Variants in DDX43 observed in about 807,000 individuals in gnomAD.
DDX43 encodes the protein DEAD-box helicase 43, also known as probable ATP-dependent RNA helicase DDX43.
A neutral mutation model predicts 84.9 loss-of-function variants in DDX43; 50 were observed. That is an observed-to-expected ratio of 0.59 (90% CI 0.47 to 0.75). The LOEUF is 0.75. Ranked by LOEUF, DDX43 falls within the 30% of genes least tolerant of loss-of-function variation. DDX43 has a pLI of 0.00. For synonymous variants in DDX43, 291 were observed against 266.3 expected (o/e 1.09, Z -0.90); for missense variants, 689 against 798.6 (o/e 0.86, Z 1.65).
chr6:73,410,766 T>A (rs140669898), intron 10 of DDX43, among the ~76,000 whole-genome samples: 1,626 of 152,220 alleles, frequency 0.011, 34 homozygotes, highest in African/African-American at 0.037. Context: ...CTCATTTTTG[T>A]ATTTTTTGTA....
At chr6:73,399,582 G>T (rs920289252) in intron 2 of DDX43, among the ~76,000 whole-genome samples, 1 of 152,154 alleles carries the variant, frequency 6.6e-6, no homozygotes, top group Admixed American at 6.6e-5. Flanking sequence ...TACTGTAGTT[G>T]ATAAACATTG....
In DDX43 at chr6:73,416,099, T is replaced by C. The variant is rs369804594; in HGVS notation, c.1834-14T>C. The C allele has an allele frequency of 1.1e-5, 14 of 1,324,968 alleles. No individual in the cohort carries two copies. The highest frequency in any genetic ancestry group is 2.4e-5 in the South Asian group (2 of 83,362). The allele number at this position is 1,324,968 out of a possible 1,614,324, so 82.1% of individuals were successfully genotyped here. On this transcript the variant is annotated splice_polypyrimidine_tract_variant and intron_variant, in intron 15 of 16. Coordinates refer to ENST00000370336, the MANE Select transcript of DDX43 (RefSeq NM_018665.3). ...AACTCAGAATCCTAATAACAACACGTTGAATAATTTCAGAGTATTCCAGAG... is the reference window on the plus strand; with the variant it reads ...AACTCAGAATCCTAATAACAACACGCTGAATAATTTCAGAGTATTCCAGAG...
rs1769653280 is a variant in DDX43, at chr6:73,405,152, C to G, written c.650+381C>G. On this transcript the variant is annotated intron_variant, in intron 5 of 16. Coordinates refer to ENST00000370336, the MANE Select transcript of DDX43 (RefSeq NM_018665.3). ...GATCTAATCTTGTTAATTTCTTAAA[C>G]TCTTCAGTCCTTGCTACCTGAAATT... Among the ~76,000 whole-genome samples the G allele has an allele frequency of 2.0e-5, 3 of 151,036 alleles. No homozygotes were observed. The South Asian group carries it at 6.3e-4, about 32-fold the overall frequency.
intron 10 of DDX43, 27 bp from the exon 11 acceptor site, chr6:73,412,178 T>A: frequency 6.3e-7 from 1 of 1,575,930 alleles, no homozygotes; most frequent in Non-Finnish European, 8.6e-7. Flanking sequence ...ACAACAAAAT[T>A]GTAATGTTTG....
chr6:73,414,625 T>C lies in DDX43; in HGVS notation c.1684T>C (p.Phe562Leu), dbSNP rs768484256. 7 of 1,613,878 alleles carry C rather than the reference T, an allele frequency of 4.3e-6. No individual in the cohort carries two copies. Among genetic ancestry groups the C allele is most frequent in the Non-Finnish European group, 5.9e-6 (7 of 1,179,954 alleles). Residue 562 changes from phenylalanine (F) to leucine (L), a missense_variant, in exon 14 of 17, where the codon TTT (phenylalanine) becomes CTT (leucine). By Grantham distance (22) the Phe-to-Leu change is conservative. Around this residue, in one of 2 missense-constraint regions of DDX43, gnomAD observed 552 missense variants for 692.7 expected, o/e 0.80. Transcript: ENST00000370336. Reference sequence around the variant, plus strand: ...CCATGACGTTACACATGTCTATAATTTTGACTTTCCACGGAATATTGAAGA... The same window carrying C: ...CCATGACGTTACACATGTCTATAATCTTGACTTTCCACGGAATATTGAAGA... Reference protein sequence around the residue: ...DVHDVTHVYNFDFPRNIEEYV... With the variant: ...DVHDVTHVYNLDFPRNIEEYV...
chr6:73,402,327 T>C lies in DDX43; in HGVS notation c.568+337T>C, dbSNP rs573148082. Reference sequence around the variant, plus strand: ...GTTGCTGTGATTGAGTAAAAATAGATCTTGGAGTATCCTGGTTGACAAGAG... The same window carrying C: ...GTTGCTGTGATTGAGTAAAAATAGACCTTGGAGTATCCTGGTTGACAAGAG... On this transcript the variant is annotated intron_variant, in intron 4 of 16. Coordinates refer to ENST00000370336, the MANE Select transcript of DDX43 (RefSeq NM_018665.3). Among the ~76,000 whole-genome samples the C allele has an allele frequency of 3.9e-5, 6 of 152,154 alleles. No individual in the cohort carries two copies. The South Asian group carries it at 1.2e-3, about 32-fold the overall frequency.
chr6:73,404,109 C>T (rs937471798), intron 4 of DDX43, among the ~76,000 whole-genome samples: 18 of 150,520 alleles, frequency 1.2e-4, no homozygotes, highest in South Asian at 4.2e-4. Flanking sequence ...CGTGAGCCGC[C>T]GCCGCCGGCC....
intron 1 of DDX43, 55 bp downstream of exon 1, chr6:73,395,210 G>A: frequency 2.0e-6 from 3 of 1,526,712 alleles, no homozygotes; most frequent in Non-Finnish European, 2.6e-6. Flanking sequence ...GGCGGAGCCT[G>A]GGCGAAGGCA....
chr6:73,416,371 C>G, intron 16 of DDX43, 120 bp downstream of exon 16: 1 of 550,374 alleles, frequency 1.8e-6, no homozygotes, highest in Non-Finnish European at 3.3e-6. Flanking sequence ...CTAGGTGTTA[C>G]TCATATCTAT....
chr6:73,413,907 A>G, intron 12 of DDX43, 63 bp from the exon 13 acceptor site: 1 of 1,527,562 alleles, frequency 6.5e-7, no homozygotes, highest in South Asian at 1.2e-5. Flanking sequence ...TTTTGCTAAC[A>G]GAAGTAAAAC....
chr6:73,404,585 A>G lies in DDX43; in HGVS notation c.569-105A>G, dbSNP rs1314668186. The G allele has an allele frequency of 6.9e-6, 6 of 872,688 alleles. No individual in the cohort carries two copies. In the African/African-American group the frequency reaches 8.4e-5, roughly 12 times the overall value. 54.1% of individuals were successfully genotyped at this position (872,688 alleles called of 1,614,324 possible). On this transcript the variant is annotated intron_variant, in intron 4 of 16. Coordinates refer to ENST00000370336, the MANE Select transcript of DDX43 (RefSeq NM_018665.3). ...GCAAAGTGTAGAACTATCAAATGGTATGCATGGTAAATAAAATATATTGTA... is the reference window on the plus strand; with the variant it reads ...GCAAAGTGTAGAACTATCAAATGGTGTGCATGGTAAATAAAATATATTGTA...
At chr6:73,398,833 A>G (rs1769518480) in intron 2 of DDX43, among the ~76,000 whole-genome samples, 1 of 152,106 alleles carries the variant, frequency 6.6e-6, no homozygotes. Flanking sequence ...GGTCTTGACT[A>G]TTTCTTGTAC....
At chr6:73,395,240 C>A in intron 1 of DDX43, 85 bp downstream of exon 1, 1 of 1,456,490 alleles carries the variant, frequency 6.9e-7, no homozygotes, top group Non-Finnish European at 9.2e-7. Flanking sequence ...CACTGCCTCA[C>A]CTCCAATCAG....
chr6:73,412,239 C>G lies in DDX43; in HGVS notation c.1315C>G (p.Gln439Glu). Residue 439 changes from glutamine to glutamate, a missense_variant, in exon 11 of 17, where the codon CAA (glutamine) becomes GAA (glutamate). Transcript: ENST00000370336. ...TWPHSVHRLA[Q>E]SYLKEPMIVY... ...GCCTCATTCAGTTCATCGCCTCGCA[C>G]AATCTTATTTGAAAGAACCAATGAT... 6.2e-7 allele frequency: 1 copy of G among 1,613,766 alleles called. No individual in the cohort carries two copies. Among genetic ancestry groups the G allele is most frequent in the African/African-American group, 1.3e-5 (1 of 75,000 alleles).
chr6:73,407,174 G>A (rs1490125093), intron 7 of DDX43, among the ~76,000 whole-genome samples: 1 of 152,102 alleles, frequency 6.6e-6, no homozygotes, highest in Non-Finnish European at 1.5e-5. Flanking sequence ...CTGGAGTGCA[G>A]TGGCGTGATC....
chr6:73,413,539 G>A, intron 11 of DDX43, 119 bp from the exon 12 acceptor site: 1 of 989,704 alleles, frequency 1.0e-6, no homozygotes, highest in Non-Finnish European at 1.4e-6. Flanking sequence ...CTGCCATTTT[G>A]CTTAGCAGTT....
chr6:73,407,569 C>T lies in DDX43; in HGVS notation c.991C>T (p.Gln331Ter), dbSNP rs910734172. The change falls in exon 8 of 17, where the codon CAA becomes TAA. Residue 331 changes from glutamine to a stop codon, truncating the protein, a stop_gained. Transcript: ENST00000370336. LOFTEE classifies it high-confidence loss of function. The stretch of plus-strand genomic sequence containing the variant: ...AACTCCCACTCGGGAATTAGCACTT[C>T]AAGTAGAAGGAGAATGTTGCAAATA... ...VLTPTRELALQVEGECCKYSY... is the reference protein window; with the variant it reads ...VLTPTRELAL The T allele has an allele frequency of 6.2e-7, 1 of 1,614,006 alleles. No individual in the cohort carries two copies. Among genetic ancestry groups the T allele is most frequent in the Admixed American group, 1.7e-5 (1 of 60,014 alleles).
intron 2 of DDX43, 97 bp downstream of exon 2, chr6:73,397,841 C>A: frequency 1.8e-6 from 2 of 1,141,902 alleles, no homozygotes; most frequent in Non-Finnish European, 1.3e-6. Context: ...CTCATTCTGT[C>A]TCCCAGGCTG....
At position 73,410,872 on chromosome 6, in the gene DDX43, G is replaced by T. The variant is rs149669767; in HGVS notation, c.1281-1333G>T. 1.6e-3 allele frequency among the ~76,000 whole-genome samples: 241 copies of T among 152,174 alleles called. 3 individuals are homozygous for T. The East Asian group carries it at 0.043, about 27-fold the overall frequency. On this transcript the variant is annotated intron_variant, in intron 10 of 16. Coordinates refer to ENST00000370336, the MANE Select transcript of DDX43 (RefSeq NM_018665.3). The stretch of plus-strand genomic sequence containing the variant: ...GCCTCCCAAAGTGCTGGGATTACAG[G>T]CATGAGCCAACAACCTTTTAAAAGA...
Sources: gnomAD v4.1 joint callset for allele counts (sites outside exome capture counted in the v4.1 genomes callset) on GRCh38, gnomAD v4.1.1 for gene constraint, gnomAD v4.1.1 regional missense constraint, MANE v1.5 for transcripts, NCBI Gene and HGNC (gene_info 2026-07-23, HGNC 2026-07-21) for gene names.